Variants in MTMR14 observed in about 807,000 individuals in gnomAD.
MTMR14 encodes myotubularin related protein 14, also known as phosphatidylinositol-3,5-bisphosphate 3-phosphatase MTMR14.
A neutral mutation model predicts 86.3 loss-of-function variants in MTMR14; 48 were observed. The observed-to-expected ratio is 0.56, with a 90% CI of 0.44 to 0.71. The LOEUF (loss-of-function observed/expected upper bound fraction) is 0.71. Among genes scored for constraint, MTMR14 ranks in the 30% least tolerant of loss-of-function variants. The probability of loss-of-function intolerance (pLI) is 0.00; values close to 1 mark genes in which losing one functional copy is unlikely to be tolerated. For synonymous variants in MTMR14, 366 were observed against 326.1 expected (o/e 1.12, Z -1.32); for missense variants, 780 against 834.6 (o/e 0.93, Z 0.81).
At position 9,649,507 on chromosome 3, in the gene MTMR14, G is replaced by T. The variant is rs368961701; in HGVS notation, c.-77G>T. ...GGCGGTGGCTGAGGCGGTTCCGGAGGTTCTAGTGTCGGAGTTGGGTGCAGG... is the reference window on the plus strand; with the variant it reads ...GGCGGTGGCTGAGGCGGTTCCGGAGTTTCTAGTGTCGGAGTTGGGTGCAGG... On this transcript the variant is annotated 5_prime_UTR_variant, in exon 1 of 19. Transcript: ENST00000296003. 175 of 1,479,936 alleles carry T rather than the reference G, an allele frequency of 1.2e-4. No individual in the cohort carries two copies. In the African/African-American group the frequency reaches 2.2e-3, roughly 18 times the overall value. 91.7% of individuals were successfully genotyped at this position (1,479,936 alleles called of 1,614,324 possible).
chr3:9,691,655 G>A (rs2076142829), intron 17 of MTMR14, among the ~76,000 whole-genome samples: 1 of 152,198 alleles, frequency 6.6e-6, no homozygotes, highest in South Asian at 2.1e-4. Context: ...CCTGCCAAAA[G>A]ATCCCACTTT....
intron 2 of MTMR14, 200 bp downstream of exon 2, chr3:9,653,969 C>G (rs2047456610): frequency 1.5e-6 from 1 of 645,888 alleles, no homozygotes; most frequent in African/African-American, 1.8e-5. Context: ...GGAGTAACAG[C>G]CCTTGATTGC....
At chr3:9,697,642 C>T in intron 17 of MTMR14, 69 bp from the exon 18 acceptor site, 1 of 1,562,764 alleles carries the variant, frequency 6.4e-7, no homozygotes, top group South Asian at 1.2e-5. Flanking sequence ...GTCCCCTAGC[C>T]CCCTCCAGAG....
rs528336317 is a variant in MTMR14 at position 9,653,842 on chromosome 3, G to A, written c.308+73G>A. 1.4e-5 allele frequency: 23 copies of A among 1,593,760 alleles called. No individual in the cohort carries two copies. The African/African-American group carries it at 2.1e-4, about 15-fold the overall frequency. On this transcript the variant is annotated intron_variant, in intron 2 of 18. Coordinates refer to ENST00000296003, the MANE Select transcript of MTMR14 (RefSeq NM_001077525.3). ...GCTAATCCCTGTGGCCAGGAAGTCT[G>A]TAGCTGGGCAGGGCAGAATCACTTT...
At chr3:9,652,959 G>T (rs534955379) in intron 1 of MTMR14, among the ~76,000 whole-genome samples, 1 of 151,970 alleles carries the variant, frequency 6.6e-6, no homozygotes, top group Non-Finnish European at 1.5e-5. Flanking sequence ...AATAAAGGCC[G>T]GGTGCCGTGG....
intron 17 of MTMR14, among the ~76,000 whole-genome samples, chr3:9,693,732 G>A (rs1315168281): frequency 6.6e-6 from 1 of 152,234 alleles, no homozygotes; most frequent in Non-Finnish European, 1.5e-5. Context: ...TCATGCGTGT[G>A]TTCAAGGATC....
rs1425007102 is a variant in MTMR14, at chr3:9,677,302, G to A, written c.752-15G>A. ...CTGGGAAGGGAGATGTCATAACTCT[G>A]CCCTTCTTTTCCAGGCTGTGAATTT... On this transcript the variant is annotated splice_polypyrimidine_tract_variant and intron_variant, in intron 7 of 18. Transcript: ENST00000296003. This position sits in a 1 kb window ranked among gnomAD's most constrained non-coding sequence, Gnocchi z 4.2. 6.2e-7 allele frequency: 1 copy of A among 1,612,508 alleles called. No individual in the cohort carries two copies. Among genetic ancestry groups the A allele is most frequent in the Non-Finnish European group, 8.5e-7 (1 of 1,178,572 alleles).
chr3:9,691,171 A>G (rs1662445745), intron 17 of MTMR14, among the ~76,000 whole-genome samples: 1 of 152,218 alleles, frequency 6.6e-6, no homozygotes, highest in Non-Finnish European at 1.5e-5. Flanking sequence ...CACTGCCCAC[A>G]GGGGCCCCAT....
At chr3:9,688,789 C>T (rs1439177976) in intron 15 of MTMR14, 35 bp downstream of exon 15, 4 of 1,613,212 alleles carry the variant, frequency 2.5e-6, no homozygotes, top group African/African-American at 2.7e-5. Flanking sequence ...TCCCTTCCTC[C>T]ATACATCTTC....
intron 1 of MTMR14, chr3:9,650,559 G>A (rs2047221501): frequency 3.0e-6 from 1 of 338,678 alleles, no homozygotes; most frequent in South Asian, 2.2e-5. Context: ...TTGGCATCTT[G>A]TAGTCTCTGA....
At position 9,665,149 on chromosome 3, in the gene MTMR14, G is replaced by A. The variant is rs78615872; in HGVS notation, c.417+2774G>A. On this transcript the variant is annotated intron_variant, in intron 3 of 18. Coordinates refer to ENST00000296003, the MANE Select transcript of MTMR14 (RefSeq NM_001077525.3). The stretch of plus-strand genomic sequence containing the variant: ...ATACAAAAATTAGCCAGGCAAGGTG[G>A]CAGGCGCCTATAATCCCAGCTACTC... Among the ~76,000 whole-genome samples, 991 of 152,162 alleles carry A rather than the reference G, an allele frequency of 6.5e-3. 11 individuals are homozygous for A. Among genetic ancestry groups the A allele is most frequent in the African/African-American group, 0.023 (955 of 41,508 alleles).
At chr3:9,685,522 C>T (rs902718155) in intron 13 of MTMR14, among the ~76,000 whole-genome samples, 1 of 152,174 alleles carries the variant, frequency 6.6e-6, no homozygotes, top group Non-Finnish European at 1.5e-5. Flanking sequence ...GTGATCTTCC[C>T]TCTCACAGGC....
chr3:9,685,212 C>T lies in MTMR14; in HGVS notation c.1129C>T (p.His377Tyr). Reference protein sequence around the residue: ...TVAYDWFLFGHMLVDRLSKGE... With the variant: ...TVAYDWFLFGYMLVDRLSKGE... ...GCCTCTCTACCCTCCTTTTTTCAGG[C>T]ACATGTTGGTAGATCGGCTCAGCAA... is the stretch of plus-strand genomic sequence containing the variant. The change falls in exon 13 of 19, where the codon CAC (histidine) becomes TAC (tyrosine). Residue 377 changes from histidine to tyrosine, a missense_variant and splice_region_variant. By Grantham distance (83) the His-to-Tyr change is moderately conservative. Coordinates refer to ENST00000296003, the MANE Select transcript of MTMR14 (RefSeq NM_001077525.3). The T allele has an allele frequency of 6.2e-7, 1 of 1,614,108 alleles. No individual in the cohort carries two copies. The highest frequency in any genetic ancestry group is 8.5e-7 in the Non-Finnish European group (1 of 1,180,010).
At chr3:9,678,162 T>C in intron 9 of MTMR14, 104 bp downstream of exon 9, 1 of 1,173,896 alleles carries the variant, frequency 8.5e-7, no homozygotes, top group African/African-American at 1.5e-5. Context: ...CCTGATGGGC[T>C]GGCTTGTGCA....
chr3:9,702,095 T>C lies in MTMR14; in HGVS notation c.*122T>C. On this transcript the variant is annotated 3_prime_UTR_variant, in exon 19 of 19. Transcript: ENST00000296003. The stretch of plus-strand genomic sequence containing the variant: ...GGGAAATTTCAGTCCCCCATCTCCA[T>C]CATGAACATGGCAGCCCCAAAGCTG... 1 of 1,282,688 alleles carries C rather than the reference T, an allele frequency of 7.8e-7. No individual in the cohort carries two copies. The highest frequency in any genetic ancestry group is 1.2e-5 in the South Asian group (1 of 81,476). The allele number at this position is 1,282,688 out of a possible 1,614,324, so 79.5% of individuals were successfully genotyped here.
intron 1 of MTMR14, 98 bp from the exon 2 acceptor site, chr3:9,653,523 C>T: frequency 6.8e-7 from 1 of 1,468,188 alleles, no homozygotes; most frequent in Non-Finnish European, 9.5e-7. Context: ...CACCCAGGTA[C>T]ATGTCTTTCC....
chr3:9,698,383 G>T (rs1469187034), intron 18 of MTMR14, among the ~76,000 whole-genome samples: 1 of 152,244 alleles, frequency 6.6e-6, no homozygotes, highest in African/African-American at 2.4e-5. Flanking sequence ...ACAAAACCCT[G>T]AGTTTCCAGC....
At chr3:9,672,093 C>T (rs1187651038) in intron 6 of MTMR14, among the ~76,000 whole-genome samples, 2 of 152,212 alleles carry the variant, frequency 1.3e-5, no homozygotes, top group Non-Finnish European at 2.9e-5. Flanking sequence ...GCTCTCATCT[C>T]ATTCCTGGGT....
chr3:9,665,884 A>G (rs1405347276), intron 3 of MTMR14, among the ~76,000 whole-genome samples: 2 of 151,792 alleles, frequency 1.3e-5, no homozygotes, highest in Non-Finnish European at 2.9e-5. Context: ...GCCTGCCACC[A>G]TGCCCGGCTA....
Sources: gnomAD v4.1 joint callset for allele counts (sites outside exome capture counted in the v4.1 genomes callset) on GRCh38, gnomAD v4.1.1 for gene constraint, Gnocchi (gnomAD v3.1) non-coding constraint, MANE v1.5 for transcripts, NCBI Gene and HGNC (gene_info 2026-07-23, HGNC 2026-07-21) for gene names.